PPARGC1A: variants seen among roughly 807,000 people sequenced by gnomAD.
The protein encoded by PPARGC1A is PPARG coactivator 1 alpha, also known as peroxisome proliferator-activated receptor gamma coactivator 1-alpha.
In PPARGC1A, 25 loss-of-function variants were observed where a neutral mutation model predicts 88.7. The ratio of observed to expected loss-of-function variants is 0.28; its 90% CI spans 0.21 to 0.39. The LOEUF (loss-of-function observed/expected upper bound fraction) is 0.39, where lower values mean the gene tolerates loss of function less well. PPARGC1A is among the 10% of genes least tolerant of loss of function. The probability of loss-of-function intolerance (pLI) is 1.00; values close to 1 mark genes in which losing one functional copy is unlikely to be tolerated. For synonymous variants in PPARGC1A, 363 were observed against 355.6 expected, an observed-to-expected ratio of 1.02 and a Z score of -0.24; for missense variants, 880 against 968.7, an observed-to-expected ratio of 0.91 and a Z score of 1.22.
the PPARGC1A span, among the ~76,000 whole-genome samples, chr4:24,095,267 A>G: frequency 6.6e-6 from 1 of 151,678 alleles, no homozygotes; most frequent in Admixed American, 6.6e-5. Context: ...ACAGGCACAC[A>G]CTACCATGCC....
chr4:23,819,066 C>T (rs969605475), intron 7 of PPARGC1A, among the ~76,000 whole-genome samples: 2 of 151,954 alleles, frequency 1.3e-5, no homozygotes, highest in African/African-American at 4.8e-5. Flanking sequence ...ACTTGTCCTA[C>T]TCACATATTT....
At chr4:24,228,228 G>C in the PPARGC1A span, among the ~76,000 whole-genome samples, 2 of 152,186 alleles carry the variant, frequency 1.3e-5, no homozygotes, top group Non-Finnish European at 2.9e-5. Flanking sequence ...TAGAAATAAA[G>C]ATGATGCCAT....
the PPARGC1A span, among the ~76,000 whole-genome samples, chr4:24,102,696 A>G: frequency 1.3e-5 from 2 of 152,308 alleles, no homozygotes; most frequent in South Asian, 4.1e-4. Context: ...ATTGGAAGAC[A>G]TCCTCAAATA....
At chr4:23,986,754 A>G in the PPARGC1A span, among the ~76,000 whole-genome samples, 1 of 152,072 alleles carries the variant, frequency 6.6e-6, no homozygotes, top group Non-Finnish European at 1.5e-5. Context: ...TAACTCAGGC[A>G]TGTGGATTCT....
chr4:23,817,850 G>A (rs141122105), intron 7 of PPARGC1A, among the ~76,000 whole-genome samples: 2 of 152,248 alleles, frequency 1.3e-5, no homozygotes, highest in East Asian at 3.9e-4. Flanking sequence ...AGATACAGTT[G>A]AGACCCAAAG....
chr4:23,949,240 G>A, the PPARGC1A span, among the ~76,000 whole-genome samples: 2 of 152,108 alleles, frequency 1.3e-5, no homozygotes, highest in Non-Finnish European at 2.9e-5. Context: ...TGCAAAACAT[G>A]TCAACGTAAT....
the PPARGC1A span, among the ~76,000 whole-genome samples, chr4:24,284,365 T>A: frequency 6.6e-6 from 1 of 152,194 alleles, no homozygotes; most frequent in Non-Finnish European, 1.5e-5. Context: ...GTCATGACTA[T>A]TGAGTGGAAA....
chr4:24,400,987 G>C, the PPARGC1A span, among the ~76,000 whole-genome samples: 1 of 148,090 alleles, frequency 6.8e-6, no homozygotes, highest in African/African-American at 2.5e-5. Flanking sequence ...TCAGGTCTAA[G>C]TAGGTACTTT....
the PPARGC1A span, among the ~76,000 whole-genome samples, chr4:24,044,672 A>G: frequency 2.0e-5 from 3 of 152,182 alleles, no homozygotes; most frequent in Non-Finnish European, 2.9e-5. Flanking sequence ...CTTCTGAGCC[A>G]TAAGAGCACT....
chr4:24,014,518 C>T, the PPARGC1A span, among the ~76,000 whole-genome samples: 5 of 152,184 alleles, frequency 3.3e-5, no homozygotes, highest in African/African-American at 9.7e-5. Context: ...CCTCTTCTCA[C>T]GGCCTTGCAA....
the PPARGC1A span, among the ~76,000 whole-genome samples, chr4:24,300,351 T>TTTTTTTTTTTTTTTG: frequency 1.0e-5 from 1 of 97,896 alleles, no homozygotes; most frequent in Non-Finnish European, 2.0e-5. Context: ...TTTTTTTTTT[T>TTTTTTTTTTTTTTTG]TTTTTTTTTT....
upstream of PPARGC1A, among the ~76,000 whole-genome samples, chr4:23,891,695 T>C (rs1156690046): frequency 6.6e-6 from 1 of 152,174 alleles, no homozygotes; most frequent in African/African-American, 2.4e-5. Flanking sequence ...GCCAAGAGCT[T>C]TGACATTTTA....
chr4:24,351,748 C>T, the PPARGC1A span, among the ~76,000 whole-genome samples: 1 of 151,980 alleles, frequency 6.6e-6, no homozygotes, highest in Non-Finnish European at 1.5e-5. Context: ...GGTACAGAAA[C>T]ATACAGCATC....
At chr4:24,029,983 G>T in the PPARGC1A span, among the ~76,000 whole-genome samples, 1 of 152,130 alleles carries the variant, frequency 6.6e-6, no homozygotes, top group Non-Finnish European at 1.5e-5. Context: ...ACTCATATTT[G>T]GGAGAGACTT....
chr4:24,238,745 ATGTGTGTGTGTGTGTG>A, the PPARGC1A span, among the ~76,000 whole-genome samples: 193 of 121,898 alleles, frequency 1.6e-3, 4 homozygotes, highest in South Asian at 0.011. Flanking sequence ...AAGGTTGTAT[ATGTGTGTGTGTGTGTG>A]TGTGTGTGTG....
chr4:23,888,024 T>C (rs898038705), intron 1 of PPARGC1A, among the ~76,000 whole-genome samples: 3 of 152,202 alleles, frequency 2.0e-5, no homozygotes, highest in African/African-American at 7.2e-5. Flanking sequence ...TACTACCCTG[T>C]CATTATGTGC....
chr4:23,886,047 A>T (rs1437626281), intron 1 of PPARGC1A, among the ~76,000 whole-genome samples: 1 of 152,152 alleles, frequency 6.6e-6, no homozygotes, highest in Non-Finnish European at 1.5e-5. Context: ...GTCAGTCCGC[A>T]GACAGTAAAG....
the PPARGC1A span, among the ~76,000 whole-genome samples, chr4:24,299,581 A>T: frequency 6.6e-6 from 1 of 152,128 alleles, no homozygotes; most frequent in South Asian, 2.1e-4. Flanking sequence ...GAGTCTAAAA[A>T]TTGTGAGCTA....
At chr4:24,276,148 G>A in the PPARGC1A span, among the ~76,000 whole-genome samples, 1 of 152,188 alleles carries the variant, frequency 6.6e-6, no homozygotes, top group African/African-American at 2.4e-5. Flanking sequence ...GAGTTCCGAA[G>A]ACTCAAAGAA....
Sources: gnomAD v4.1 joint callset for allele counts (sites outside exome capture counted in the v4.1 genomes callset) on GRCh38, gnomAD v4.1.1 for gene constraint, MANE v1.5 for transcripts, NCBI Gene and HGNC (gene_info 2026-07-23, HGNC 2026-07-21) for gene names.